NPSR1: variants seen among roughly 807,000 people sequenced by gnomAD.
NPSR1 encodes neuropeptide S receptor.
A neutral mutation model predicts 46.9 loss-of-function variants in NPSR1; 48 were observed. That is an observed-to-expected ratio of 1.02 (90% CI 0.81 to 1.30). The LOEUF (loss-of-function observed/expected upper bound fraction) is 1.30. Ranked by LOEUF, NPSR1 falls within the 50% of genes most tolerant of loss-of-function variation. The pLI is 0.00. For synonymous variants in NPSR1, 176 were observed against 168.1 expected, an observed-to-expected ratio of 1.05 and a Z score of -0.36; for missense variants, 450 against 449.5, an observed-to-expected ratio of 1.00 and a Z score of -0.01.
intron 2 of NPSR1, among the ~76,000 whole-genome samples, chr7:34,721,820 G>A (rs576229405): frequency 6.6e-6 from 1 of 152,212 alleles, no homozygotes; most frequent in South Asian, 2.1e-4. Context: ...AGTTAAAGGT[G>A]TTCCAGAACC....
rs143701278 is a variant in NPSR1 at position 34,814,889 on chromosome 7, C to G, written c.478+3026C>G. ...GCACCAACATCAACAAAAAGGACAT[C>G]TACACCAAAACCCCATCTGTAGGTC... On this transcript the variant is annotated intron_variant, in intron 4 of 8. Transcript: ENST00000360581. Among the ~76,000 whole-genome samples, 6 of 152,298 alleles carry G rather than the reference C, an allele frequency of 3.9e-5. No individual in the cohort carries two copies. The East Asian group carries it at 9.7e-4, about 25-fold the overall frequency.
At chr7:34,714,120 T>C (rs1364983182) in intron 2 of NPSR1, among the ~76,000 whole-genome samples, 2 of 152,248 alleles carry the variant, frequency 1.3e-5, no homozygotes, top group African/African-American at 4.8e-5. Flanking sequence ...CCGCTGGAAG[T>C]CTGGCAAAGA....
In NPSR1 at chr7:34,785,617, G is replaced by A. The variant is rs1200113384; in HGVS notation, c.384+7052G>A. Among the ~76,000 whole-genome samples, 5 of 152,032 alleles carry A rather than the reference G, an allele frequency of 3.3e-5. No homozygotes were observed. In the East Asian group the frequency reaches 5.8e-4, roughly 18 times the overall value. The stretch of plus-strand genomic sequence containing the variant: ...ACAATACTCTAATAATGTAATGGTG[G>A]TGTGTAAATCACTGATATCATTAGG... On this transcript the variant is annotated intron_variant, in intron 3 of 8. Transcript: ENST00000360581.
At chr7:34,698,500 A>G (rs1482384158) in intron 2 of NPSR1, among the ~76,000 whole-genome samples, 1 of 152,190 alleles carries the variant, frequency 6.6e-6, no homozygotes, top group Non-Finnish European at 1.5e-5. Flanking sequence ...TAAAGACATT[A>G]AAATCAATTT....
intron 2 of NPSR1, among the ~76,000 whole-genome samples, chr7:34,707,400 G>C (rs1562666867): frequency 6.6e-6 from 1 of 152,112 alleles, no homozygotes; most frequent in African/African-American, 2.4e-5. Flanking sequence ...CTGGCTTCTG[G>C]CCCATGCAGA....
chr7:34,719,184 C>T (rs1401639365), intron 2 of NPSR1: 1 of 152,298 alleles, frequency 6.6e-6, no homozygotes, highest in Non-Finnish European at 1.5e-5. Flanking sequence ...TACCTAATAA[C>T]TGCCTGTAGG....
intron 4 of NPSR1, among the ~76,000 whole-genome samples, chr7:34,823,399 G>GAAAAAAAAAA (rs577186339): frequency 1.4e-3 from 95 of 68,030 alleles, no homozygotes; most frequent in Non-Finnish European, 1.9e-3. Context: ...GACTTCACCA[G>GAAAAAAAAAA]AAAAAAAAAA....
At chr7:34,761,768 G>A (rs1786184435) in intron 2 of NPSR1, among the ~76,000 whole-genome samples, 2 of 152,166 alleles carry the variant, frequency 1.3e-5, no homozygotes, top group Non-Finnish European at 2.9e-5. Context: ...AAAACAAGTT[G>A]TCTATGTCTT....
chr7:34,710,237 G>A (rs887968354), intron 2 of NPSR1, among the ~76,000 whole-genome samples: 6 of 152,176 alleles, frequency 3.9e-5, no homozygotes, highest in African/African-American at 1.4e-4. Flanking sequence ...AGTTGGGTAG[G>A]TTTGTAGAGG....
At chr7:34,774,738 A>C (rs2128734998) in intron 2 of NPSR1, among the ~76,000 whole-genome samples, 1 of 152,258 alleles carries the variant, frequency 6.6e-6, no homozygotes, top group Non-Finnish European at 1.5e-5. Context: ...ATATGCCTCA[A>C]GTAGTAGGGT....
chr7:34,668,643 T>G (rs992091362), intron 1 of NPSR1, among the ~76,000 whole-genome samples: 1 of 152,212 alleles, frequency 6.6e-6, no homozygotes, highest in Admixed American at 6.5e-5. Flanking sequence ...ATGTCCCATG[T>G]CCATCACAGG....
At chr7:34,723,385 G>A (rs1254402794) in intron 2 of NPSR1, 6 of 152,594 alleles carry the variant, frequency 3.9e-5, no homozygotes, top group Non-Finnish European at 7.3e-5. Context: ...CCATCTAACA[G>A]ATTGGAGCTC....
At chr7:34,674,729 C>G (rs1013082108) in intron 1 of NPSR1, among the ~76,000 whole-genome samples, 1 of 152,168 alleles carries the variant, frequency 6.6e-6, no homozygotes, top group Non-Finnish European at 1.5e-5. Flanking sequence ...TTTGTGACTC[C>G]CAGGACAGCT....
chr7:34,852,321 A>AAG (rs1008006628), downstream of NPSR1, among the ~76,000 whole-genome samples: 4 of 151,294 alleles, frequency 2.6e-5, no homozygotes, highest in East Asian at 1.9e-4. Context: ...GAAAGAGAGA[A>AAG]AGAGAGAGAG....
At chr7:34,693,566 A>G (rs1455483978) in intron 2 of NPSR1, among the ~76,000 whole-genome samples, 1 of 152,248 alleles carries the variant, frequency 6.6e-6, no homozygotes, top group Non-Finnish European at 1.5e-5. Context: ...TCAGATGTAC[A>G]AAGAAAAGCT....
At chr7:34,870,724 A>T (rs1791431328) in intron 8 of NPSR1, among the ~76,000 whole-genome samples, 1 of 151,826 alleles carries the variant, frequency 6.6e-6, no homozygotes, top group Admixed American at 6.5e-5. Context: ...ACCACAATTA[A>T]TAAGCCCCCT....
intron 7 of NPSR1, chr7:34,845,663 C>T (rs1450859253): frequency 2.2e-6 from 1 of 449,520 alleles, no homozygotes; most frequent in African/African-American, 2.0e-5. Flanking sequence ...CCTCACACTA[C>T]AGGATATAGA....
intron 6 of NPSR1, among the ~76,000 whole-genome samples, chr7:34,841,611 G>C (rs562304456): frequency 1.3e-5 from 2 of 152,180 alleles, no homozygotes; most frequent in East Asian, 1.9e-4. Context: ...CCAGCATTTC[G>C]TAGCTCAGCT....
chr7:34,811,694 A>T (rs2128750927), intron 3 of NPSR1, 76 bp from the exon 4 acceptor site: 2 of 941,286 alleles, frequency 2.1e-6, no homozygotes, highest in East Asian at 5.2e-5. Flanking sequence ...TAAATAACAC[A>T]AGGTGCTATT....
Sources: allele counts gnomAD v4.1 joint callset (sites outside exome capture counted in the v4.1 genomes callset), GRCh38; gene constraint gnomAD v4.1.1; transcripts MANE v1.5; gene names NCBI Gene and HGNC (gene_info 2026-07-23, HGNC 2026-07-21).